The following C1QTNF7 variants were observed in gnomAD, a reference collection of about 807,000 sequenced individuals.
The protein encoded by C1QTNF7 is C1q and TNF related 7.
Under a neutral mutation model 19.6 loss-of-function variants are expected in C1QTNF7, and 15 were observed. That is an observed-to-expected ratio of 0.76 (90% confidence interval 0.51 to 1.18). C1QTNF7 has a LOEUF of 1.18. Ranked by LOEUF, C1QTNF7 falls within the 50% of genes most tolerant of loss-of-function variation. The pLI is 0.00. For missense variants in C1QTNF7, 324 were observed against 359.7 expected (o/e 0.90, Z 0.80); for synonymous variants, 142 against 137.5 (o/e 1.03, Z -0.23).
Position 15,439,671 on chromosome 4 carries a change from A to C in C1QTNF7, c.239-2497A>C, listed in dbSNP as rs183891187. ...TTTCTCAAGAACAAATACATAGGTA[A>C]AGTAAAACACACAATTCATCAGCAA... is the stretch of plus-strand genomic sequence containing the variant. On this transcript the variant is annotated intron_variant, in intron 2 of 2. Transcript: ENST00000444304. Among the ~76,000 whole-genome samples, 487 of 152,328 alleles carry C rather than the reference A, an allele frequency of 3.2e-3. 1 individual carries two copies. The highest frequency in any genetic ancestry group is 5.4e-3 in the South Asian group (26 of 4,828).
At chr4:15,380,210 G>A (rs1053564347) in intron 1 of C1QTNF7, among the ~76,000 whole-genome samples, 3 of 152,220 alleles carry the variant, frequency 2.0e-5, no homozygotes, top group Non-Finnish European at 4.4e-5. Context: ...TTAAAATTCT[G>A]GCTATTAAGT....
intron 1 of C1QTNF7, among the ~76,000 whole-genome samples, chr4:15,402,361 A>G (rs575655471): frequency 4.6e-5 from 7 of 152,370 alleles, no homozygotes; most frequent in Middle Eastern, 3.4e-3. Context: ...GCCCTTCTTG[A>G]AAAGTATTTG....
chr4:15,372,747 G>A (rs746421856), intron 1 of C1QTNF7, among the ~76,000 whole-genome samples: 5 of 152,142 alleles, frequency 3.3e-5, no homozygotes, highest in African/African-American at 4.8e-5. Context: ...TCAAGATACC[G>A]TGGATGCCTT....
rs1471130726 is a variant in C1QTNF7, at chr4:15,443,123, A to T, written c.*324A>T. 2 of 177,520 alleles carry T rather than the reference A, an allele frequency of 1.1e-5. No homozygotes were observed. The highest frequency in any genetic ancestry group is 2.4e-5 in the Non-Finnish European group (2 of 84,938). The allele number at this position is 177,520 out of a possible 1,614,324, so 11.0% of individuals were successfully genotyped here. On this transcript the variant is annotated 3_prime_UTR_variant, in exon 3 of 3. Transcript: ENST00000444304. ...GTTGGCAATAATATTGCCTTATTAA[A>T]TCTTCAAAAAATATATTTTAGTCTG...
intron 1 of C1QTNF7, among the ~76,000 whole-genome samples, chr4:15,365,783 G>A (rs2109302403): frequency 6.6e-6 from 1 of 152,064 alleles, no homozygotes; most frequent in East Asian, 1.9e-4. Context: ...GCTTCACTAA[G>A]AGCAAAAGGG....
At chr4:15,353,768 T>TAA (rs59271788) in intron 1 of C1QTNF7, among the ~76,000 whole-genome samples, 1 of 143,416 alleles carries the variant, frequency 7.0e-6, no homozygotes, top group African/African-American at 2.6e-5. Flanking sequence ...TGAGGAAGAT[T>TAA]AAAAAAAAAA....
intron 1 of C1QTNF7, among the ~76,000 whole-genome samples, chr4:15,408,929 G>A (rs899721622): frequency 1.3e-5 from 2 of 152,170 alleles, no homozygotes; most frequent in African/African-American, 4.8e-5. Context: ...CCAGAACTGT[G>A]GGAAATAAAT....
At chr4:15,358,096 C>T (rs1717207620) in intron 1 of C1QTNF7, 1 of 152,080 alleles carries the variant, frequency 6.6e-6, no homozygotes, top group Admixed American at 6.6e-5. Flanking sequence ...GCCTGATTGC[C>T]CTGGCCAGAA....
chr4:15,417,355 C>G (rs746110593), intron 1 of C1QTNF7, among the ~76,000 whole-genome samples: 1 of 152,208 alleles, frequency 6.6e-6, no homozygotes, highest in Non-Finnish European at 1.5e-5. Context: ...AACTATCAAT[C>G]TGCTTTCTGT....
intron 1 of C1QTNF7, among the ~76,000 whole-genome samples, chr4:15,429,872 C>A (rs1381648863): frequency 6.6e-6 from 1 of 152,136 alleles, no homozygotes; most frequent in African/African-American, 2.4e-5. Flanking sequence ...AGGCGCTGCA[C>A]CATTTTACAT....
At chr4:15,418,709 G>A (rs1711574062) in intron 1 of C1QTNF7, among the ~76,000 whole-genome samples, 1 of 138,868 alleles carries the variant, frequency 7.2e-6, no homozygotes, top group South Asian at 2.4e-4. Context: ...AAATACAGTA[G>A]TTAAGTGTCC....
intron 1 of C1QTNF7, among the ~76,000 whole-genome samples, chr4:15,409,370 C>CT (rs931161340): frequency 6.6e-6 from 1 of 152,198 alleles, no homozygotes; most frequent in Non-Finnish European, 1.5e-5. Flanking sequence ...CTCCAAGACT[C>CT]TAAGTGATTG....
chr4:15,418,959 A>G (rs1711599696), intron 1 of C1QTNF7, among the ~76,000 whole-genome samples: 1 of 152,192 alleles, frequency 6.6e-6, no homozygotes, highest in South Asian at 2.1e-4. Context: ...CACAAATGCC[A>G]ATACCATTGT....
chr4:15,383,066 C>T lies in C1QTNF7; in HGVS notation c.13+42859C>T, dbSNP rs545201302. On this transcript the variant is annotated intron_variant, in intron 1 of 2. Transcript: ENST00000295297. ...GGACACTCAAATGTCAACAATCCAA[C>T]GTCATGCCCTCTCCTCTCACTGAGC... 1.6e-4 allele frequency among the ~76,000 whole-genome samples: 24 copies of T among 152,296 alleles called. No individual in the cohort carries two copies. The South Asian group carries it at 2.7e-3, about 17-fold the overall frequency.
At chr4:15,414,086 C>T (rs942984950) in intron 1 of C1QTNF7, among the ~76,000 whole-genome samples, 1 of 152,128 alleles carries the variant, frequency 6.6e-6, no homozygotes, top group Non-Finnish European at 1.5e-5. Flanking sequence ...CACTTTGTGT[C>T]GATTTATGTC....
intron 1 of C1QTNF7, among the ~76,000 whole-genome samples, chr4:15,355,980 A>ACT (rs1717132667): frequency 6.6e-6 from 1 of 152,038 alleles, no homozygotes; most frequent in Non-Finnish European, 1.5e-5. Flanking sequence ...CCTCCCAAGT[A>ACT]ACTAGCCACC....
At chr4:15,422,697 C>T (rs1032161872) in intron 1 of C1QTNF7, among the ~76,000 whole-genome samples, 31 of 152,068 alleles carry the variant, frequency 2.0e-4, no homozygotes, top group South Asian at 6.2e-4. Context: ...TTCAACATCT[C>T]GGGCTCAAGC....
chr4:15,362,126 C>T (rs1006525633), intron 1 of C1QTNF7, among the ~76,000 whole-genome samples: 1 of 152,152 alleles, frequency 6.6e-6, no homozygotes, highest in African/African-American at 2.4e-5. Flanking sequence ...ACCTACACCT[C>T]GAATGGCTGT....
At chr4:15,427,214 T>C (rs1337894112), upstream of C1QTNF7, among the ~76,000 whole-genome samples, 2 of 152,176 alleles carry the variant, frequency 1.3e-5, no homozygotes, top group African/African-American at 4.8e-5. Context: ...AGAGTTCTCA[T>C]TGCTTGAGAA....
Sources: gnomAD v4.1 joint callset for allele counts (sites outside exome capture counted in the v4.1 genomes callset) on GRCh38, gnomAD v4.1.1 for gene constraint, MANE v1.5 for transcripts, NCBI Gene and HGNC (gene_info 2026-07-23, HGNC 2026-07-21) for gene names.